The following POU3F3 variants were observed in gnomAD, a reference collection of about 807,000 sequenced individuals.
POU3F3 encodes POU class 3 homeobox 3.
In POU3F3, 1 loss-of-function variant was observed where a neutral mutation model predicts 8.6. The ratio of observed to expected loss-of-function variants is 0.12; its 90% CI spans 0.04 to 0.55. The LOEUF (loss-of-function observed/expected upper bound fraction) is 0.55. Among genes scored for constraint, POU3F3 ranks in the 20% least tolerant of loss-of-function variants. POU3F3 has a pLI of 0.91. For synonymous variants in POU3F3, 418 were observed against 327.4 expected (o/e 1.28, Z -2.99); for missense variants, 577 against 690.7 (o/e 0.84, Z 1.84).
At chr2:104,901,522 G>A in the POU3F3 span, among the ~76,000 whole-genome samples, 3 of 152,112 alleles carry the variant, frequency 2.0e-5, no homozygotes, top group African/African-American at 4.8e-5. Flanking sequence ...CAGTTACCAC[G>A]GTGACAGCAT....
chr2:104,899,800 G>A, the POU3F3 span, among the ~76,000 whole-genome samples: 28 of 152,308 alleles, frequency 1.8e-4, no homozygotes, highest in East Asian at 4.4e-3. Flanking sequence ...TGCTTTGGGC[G>A]CTGAACAGGG....
At chr2:104,886,920 T>A in the POU3F3 span, among the ~76,000 whole-genome samples, 6 of 149,810 alleles carry the variant, frequency 4.0e-5, no homozygotes, top group Non-Finnish European at 5.9e-5. Flanking sequence ...AAATAAAAAA[T>A]AAAAAAATTT....
chr2:104,923,328 ATTTG>A, the POU3F3 span, among the ~76,000 whole-genome samples: 1 of 152,300 alleles, frequency 6.6e-6, no homozygotes, highest in East Asian at 1.9e-4. Context: ...TTTAAAAATT[ATTTG>A]TTTGGTTTTG....
the POU3F3 span, among the ~76,000 whole-genome samples, chr2:104,865,087 T>A: frequency 6.6e-6 from 1 of 152,230 alleles, no homozygotes; most frequent in Admixed American, 6.5e-5. Context: ...CCTGCCTCCT[T>A]CCTGAGAGTT....
At chr2:104,923,418 A>G in the POU3F3 span, among the ~76,000 whole-genome samples, 1 of 152,208 alleles carries the variant, frequency 6.6e-6, no homozygotes, top group South Asian at 2.1e-4. Context: ...GTATAGGAGC[A>G]GAGTTGTTTT....
At chr2:104,923,474 C>A in the POU3F3 span, among the ~76,000 whole-genome samples, 1 of 151,578 alleles carries the variant, frequency 6.6e-6, no homozygotes, top group East Asian at 2.0e-4. Flanking sequence ...AGTGTTATAA[C>A]TTTGGGATGT....
chr2:104,868,799 G>A, the POU3F3 span, among the ~76,000 whole-genome samples: 3 of 152,152 alleles, frequency 2.0e-5, no homozygotes, highest in South Asian at 6.2e-4. Context: ...GGCTGATCAC[G>A]CTACTGTATT....
the POU3F3 span, among the ~76,000 whole-genome samples, chr2:104,926,717 CTAGA>C: frequency 2.0e-5 from 3 of 152,068 alleles, no homozygotes; most frequent in Non-Finnish European, 4.4e-5. Flanking sequence ...CAATGATAGA[CTAGA>C]TAAAGAAAAT....
chr2:104,878,081 T>C, the POU3F3 span, among the ~76,000 whole-genome samples: 1 of 152,212 alleles, frequency 6.6e-6, no homozygotes, highest in Middle Eastern at 3.2e-3. Context: ...ATCTGGGAAC[T>C]TGTAAGCAGG....
the POU3F3 span, among the ~76,000 whole-genome samples, chr2:104,875,210 A>G: frequency 6.6e-6 from 1 of 152,200 alleles, no homozygotes; most frequent in Non-Finnish European, 1.5e-5. Context: ...GTGTGTATTT[A>G]CTACATTTGG....
chr2:104,857,728 G>A lies in POU3F3; in HGVS notation c.*715G>A, dbSNP rs1676600554. On this transcript the variant is annotated 3_prime_UTR_variant, in exon 1 of 1. Transcript: ENST00000361360. ...AGTCATTTGGAAACAAATCAACTCT[G>A]AAATGGGAAGGAGGGGGGAAAAACA... 6.5e-6 allele frequency: 1 copy of A among 152,688 alleles called. No homozygotes were observed. Among genetic ancestry groups the A allele is most frequent in the Admixed American group, 6.6e-5 (1 of 15,216 alleles). The allele number at this position is 152,688 out of a possible 1,614,324, so 9.5% of individuals were successfully genotyped here. A position where few individuals can be genotyped will look rare whatever the true frequency, so the allele number is the denominator to read the frequency against.
At chr2:104,869,370 T>G in the POU3F3 span, among the ~76,000 whole-genome samples, 1 of 151,854 alleles carries the variant, frequency 6.6e-6, no homozygotes, top group African/African-American at 2.4e-5. Context: ...GGCGATGGAG[T>G]GTCTGTTCTT....
upstream of POU3F3, among the ~76,000 whole-genome samples, chr2:104,853,985 C>T (rs999914309): frequency 2.0e-5 from 3 of 152,156 alleles, no homozygotes; most frequent in African/African-American, 7.2e-5. Context: ...GGGGGCCTCG[C>T]GTCCTGAGCC....
the POU3F3 span, among the ~76,000 whole-genome samples, chr2:104,915,283 C>A: frequency 2.6e-5 from 4 of 152,180 alleles, no homozygotes; most frequent in African/African-American, 4.8e-5. Flanking sequence ...GTTCAGGAAG[C>A]ACCTGCAGAT....
At chr2:104,877,513 C>A in the POU3F3 span, among the ~76,000 whole-genome samples, 1 of 152,158 alleles carries the variant, frequency 6.6e-6, no homozygotes. Flanking sequence ...CATATTTACA[C>A]AGCTCCATTC....
the POU3F3 span, chr2:104,868,274 G>A: frequency 2.2e-6 from 1 of 456,716 alleles, no homozygotes; most frequent in African/African-American, 2.0e-5. Context: ...GCGGGCGGCA[G>A]TGAGGAGCTC....
At chr2:104,887,160 CA>C in the POU3F3 span, among the ~76,000 whole-genome samples, 4 of 152,072 alleles carry the variant, frequency 2.6e-5, no homozygotes, top group African/African-American at 4.8e-5. Flanking sequence ...AGAGGACAAC[CA>C]GAGGTCACTC....
At chr2:104,901,385 T>C in the POU3F3 span, among the ~76,000 whole-genome samples, 1 of 152,224 alleles carries the variant, frequency 6.6e-6, no homozygotes, top group Non-Finnish European at 1.5e-5. Context: ...TTGGGCCTAA[T>C]GAATCAATTT....
At chr2:104,886,958 GA>G in the POU3F3 span, among the ~76,000 whole-genome samples, 32 of 151,394 alleles carry the variant, frequency 2.1e-4, no homozygotes, top group Non-Finnish European at 2.5e-4. Flanking sequence ...GAAAGCAAAG[GA>G]AAAAAAAGGC....
Sources: allele counts gnomAD v4.1 joint callset (sites outside exome capture counted in the v4.1 genomes callset), GRCh38; gene constraint gnomAD v4.1.1; transcripts MANE v1.5; gene names NCBI Gene and HGNC (gene_info 2026-07-23, HGNC 2026-07-21).